The following SSH2 variants were observed in gnomAD, a reference collection of about 807,000 sequenced individuals.
SSH2 encodes the protein protein phosphatase Slingshot homolog 2.
SSH2 carries 37 observed loss-of-function variants against 135.2 expected under a neutral mutation model. That is an observed-to-expected ratio of 0.27 (90% CI 0.21 to 0.36). The LOEUF (loss-of-function observed/expected upper bound fraction) is 0.36. Ranked by LOEUF, SSH2 falls within the 10% of genes least tolerant of loss-of-function variation. The pLI is 1.00. For synonymous variants in SSH2, 628 were observed against 646.2 expected, an observed-to-expected ratio of 0.97 and a Z score of 0.43; for missense variants, 1,408 against 1,765.3, an observed-to-expected ratio of 0.80 and a Z score of 3.63.
chr17:29,789,546 A>G (rs1327674348), intron 3 of SSH2, among the ~76,000 whole-genome samples: 1 of 152,226 alleles, frequency 6.6e-6, no homozygotes, highest in Admixed American at 6.5e-5. Flanking sequence ...AGTGATGATC[A>G]TCAGGGCTTC....
chr17:29,649,023 C>A (rs2036489965), intron 13 of SSH2, among the ~76,000 whole-genome samples: 1 of 152,038 alleles, frequency 6.6e-6, no homozygotes, highest in African/African-American at 2.4e-5. Flanking sequence ...TGCCTGTAAT[C>A]CCAGCTACTC....
At chr17:29,844,604 C>T (rs2043099857) in intron 2 of SSH2, among the ~76,000 whole-genome samples, 2 of 152,228 alleles carry the variant, frequency 1.3e-5, no homozygotes. Context: ...AGGTGAAACT[C>T]CTGCAGCTAA....
intron 8 of SSH2, among the ~76,000 whole-genome samples, chr17:29,673,309 C>T (rs1421001697): frequency 1.3e-5 from 2 of 152,042 alleles, no homozygotes; most frequent in Non-Finnish European, 2.9e-5. Flanking sequence ...GTGGCTCACG[C>T]CTGTAATCCT....
intron 14 of SSH2, among the ~76,000 whole-genome samples, chr17:29,643,683 G>A (rs376051434): frequency 2.0e-5 from 3 of 152,080 alleles, no homozygotes; most frequent in Admixed American, 6.6e-5. Context: ...TAGTAGAGAC[G>A]GGGTTTAGCC....
intron 3 of SSH2, among the ~76,000 whole-genome samples, chr17:29,734,827 G>GTA (rs2151193840): frequency 6.6e-6 from 1 of 152,252 alleles, no homozygotes; most frequent in South Asian, 2.1e-4. Flanking sequence ...GAAGGAGAGG[G>GTA]TATTCAAAGG....
At chr17:29,730,345 TTA>T (rs933506864) in intron 3 of SSH2, among the ~76,000 whole-genome samples, 16 of 147,250 alleles carry the variant, frequency 1.1e-4, no homozygotes, top group Admixed American at 7.5e-4. Context: ...ATACATATAA[TTA>T]TATATATATA....
rs1482506385 is a variant in SSH2 at position 29,631,041 on chromosome 17, G to T, written c.4153C>A (p.Leu1385Ile). The change falls in exon 16 of 16, where the codon CTC becomes ATC. Residue 1385 changes from leucine (L) to isoleucine (I), a missense_variant. By Grantham distance (5) the Leu-to-Ile change is conservative (BLOSUM62 2). Transcript: ENST00000540801. Reference sequence around the variant, plus strand: ...GTCAATTCAAGTCCTGCCCTGGGGAGCAAATACTGCTGACTAGAACCAAAT... The same window carrying T: ...GTCAATTCAAGTCCTGCCCTGGGGATCAAATACTGCTGACTAGAACCAAAT... Reference protein sequence around the residue: ...KEFGSSQQYLLPRAGLELTSS... With the variant: ...KEFGSSQQYLIPRAGLELTSS... 2 of 1,614,104 alleles carry T rather than the reference G, an allele frequency of 1.2e-6. No homozygotes were observed. Among genetic ancestry groups the T allele is most frequent in the Non-Finnish European group, 1.7e-6 (2 of 1,180,048 alleles).
At chr17:29,659,408 T>G (rs577224115) in intron 11 of SSH2, among the ~76,000 whole-genome samples, 6 of 152,370 alleles carry the variant, frequency 3.9e-5, no homozygotes, top group African/African-American at 1.4e-4. Flanking sequence ...GATAGGTGTC[T>G]CAGTGTAGTT....
At chr17:29,722,638 T>C (rs1201482308) in intron 3 of SSH2, among the ~76,000 whole-genome samples, 5 of 152,150 alleles carry the variant, frequency 3.3e-5, no homozygotes, top group Non-Finnish European at 7.4e-5. Context: ...TCAATAAGGA[T>C]AGTAATATTG....
At chr17:29,688,131 C>T (rs1361431370) in intron 5 of SSH2, among the ~76,000 whole-genome samples, 1 of 151,874 alleles carries the variant, frequency 6.6e-6, no homozygotes, top group Non-Finnish European at 1.5e-5. Flanking sequence ...CTGCCTCAGC[C>T]TCCCAAGTAA....
At chr17:29,638,129 TAAAC>T (rs1460079706) in intron 14 of SSH2, among the ~76,000 whole-genome samples, 3 of 150,750 alleles carry the variant, frequency 2.0e-5, no homozygotes, top group Admixed American at 1.3e-4. Context: ...AACAAACAAA[TAAAC>T]AAAAAAAGAT....
At chr17:29,905,512 G>A (rs1296000679) in intron 1 of SSH2, among the ~76,000 whole-genome samples, 2 of 152,190 alleles carry the variant, frequency 1.3e-5, no homozygotes, top group African/African-American at 4.8e-5. Context: ...GTGCTTTTGG[G>A]GAGCTGGGAG....
intron 3 of SSH2, among the ~76,000 whole-genome samples, chr17:29,738,676 C>T (rs2040455124): frequency 6.6e-6 from 1 of 151,860 alleles, no homozygotes; most frequent in Non-Finnish European, 1.5e-5. Context: ...GTCTCAGCCT[C>T]CCAAGTAGCT....
chr17:29,735,197 G>A (rs749851038), intron 3 of SSH2, among the ~76,000 whole-genome samples: 25 of 152,108 alleles, frequency 1.6e-4, no homozygotes, highest in Non-Finnish European at 2.8e-4. Context: ...AAAGGAACCT[G>A]ATAAACACCC....
intron 1 of SSH2, among the ~76,000 whole-genome samples, chr17:29,906,814 G>A (rs1315584613): frequency 6.6e-6 from 1 of 152,114 alleles, no homozygotes; most frequent in Admixed American, 6.5e-5. Flanking sequence ...ACCACAATGA[G>A]AAACTATCTC....
At chr17:29,917,844 G>T (rs993858261) in intron 1 of SSH2, among the ~76,000 whole-genome samples, 4 of 151,990 alleles carry the variant, frequency 2.6e-5, no homozygotes, top group Non-Finnish European at 5.9e-5. Flanking sequence ...GACAGAGCAA[G>T]ATTCCATCTC....
At chr17:29,908,205 A>G (rs1487658924) in intron 1 of SSH2, among the ~76,000 whole-genome samples, 1 of 151,980 alleles carries the variant, frequency 6.6e-6, no homozygotes, top group Non-Finnish European at 1.5e-5. Flanking sequence ...TAATGATAGC[A>G]CTTTGGGAGG....
At chr17:29,902,705 C>T (rs1342036082) in intron 1 of SSH2, among the ~76,000 whole-genome samples, 1 of 151,948 alleles carries the variant, frequency 6.6e-6, no homozygotes, top group East Asian at 1.9e-4. Context: ...TTCCCCCCTC[C>T]CTCACCCCCA....
At chr17:29,903,048 T>C (rs1464324137) in intron 1 of SSH2, among the ~76,000 whole-genome samples, 3 of 151,854 alleles carry the variant, frequency 2.0e-5, no homozygotes, top group Non-Finnish European at 4.4e-5. Context: ...TAGCTGGGCA[T>C]GGTGCCGGGC....
Sources: allele counts gnomAD v4.1 joint callset (sites outside exome capture counted in the v4.1 genomes callset), GRCh38; gene constraint gnomAD v4.1.1; transcripts MANE v1.5; gene names NCBI Gene and HGNC (gene_info 2026-07-23, HGNC 2026-07-21).